Variants in LNPEP observed in about 807,000 individuals in gnomAD.
LNPEP encodes the protein leucyl-cystinyl aminopeptidase.
In LNPEP, 64 loss-of-function variants were observed where a neutral mutation model predicts 120.6. The ratio of observed to expected loss-of-function variants is 0.53; its 90% confidence interval spans 0.43 to 0.65. LNPEP has a LOEUF of 0.65. Among genes scored for constraint, LNPEP ranks in the 30% least tolerant of loss-of-function variants. LNPEP has a pLI of 0.00. For synonymous variants in LNPEP, 435 were observed against 425.4 expected, an observed-to-expected ratio of 1.02 and a Z score of -0.28; for missense variants, 1,057 against 1,200.0, an observed-to-expected ratio of 0.88 and a Z score of 1.76.
intron 2 of LNPEP, 146 bp downstream of exon 2, chr5:96,980,124 A>T (rs960937668): frequency 2.7e-6 from 2 of 736,840 alleles, no homozygotes; most frequent in Admixed American, 3.1e-5. Flanking sequence ...GTGATTTAGA[A>T]CAATATATTA....
rs147504810 is a variant in LNPEP, at chr5:97,000,180, A to G, written c.1653+2035A>G. 3.1e-3 allele frequency among the ~76,000 whole-genome samples: 470 copies of G among 152,320 alleles called. 6 individuals are homozygous for G. The highest frequency in any genetic ancestry group is 0.022 in the Admixed American group (333 of 15,302). ...ATGAAAATAAAGCATGATAAGGGAA[A>G]TGAGAATGACAAAGGAAATGGTGTT... On this transcript the variant is annotated intron_variant, in intron 8 of 17. Coordinates refer to ENST00000231368, the MANE Select transcript of LNPEP (RefSeq NM_005575.3).
chr5:97,014,985 C>A lies in LNPEP; in HGVS notation c.2266C>A (p.Leu756Ile). The A allele has an allele frequency of 3.8e-6, 6 of 1,589,348 alleles. No homozygotes were observed. Among genetic ancestry groups the A allele is most frequent in the Non-Finnish European group, 5.1e-6 (6 of 1,168,224 alleles). Reference sequence around the variant, plus strand: ...GAGGGCCTTTGATTTGATTAATTATCTTGGAAATGAGAACCATACTGCACC... The same window carrying A: ...GAGGGCCTTTGATTTGATTAATTATATTGGAAATGAGAACCATACTGCACC... ...LKRAFDLINY[L>I]GNENHTAPIT... Residue 756 changes from leucine to isoleucine, a missense_variant, in exon 13 of 18, where the codon CTT becomes ATT. Physicochemically the swap from Leu to Ile is conservative, Grantham distance 5 (BLOSUM62 2). Transcript: ENST00000231368.
Position 97,006,065 on chromosome 5 carries a change from T to TATA in LNPEP, c.1786-8_1786-7insATA, listed in dbSNP as rs781545637. On this transcript the variant is annotated splice_polypyrimidine_tract_variant and splice_region_variant and intron_variant, in intron 9 of 17. Transcript: ENST00000231368. ...AAAGTTTTATATATATATATATATA[T>TATA]TTTGTAGGTCACAAACCAAACACTA... The TATA allele has an allele frequency of 3.5e-5, 42 of 1,199,308 alleles. No individual in the cohort carries two copies. The highest frequency in any genetic ancestry group is 6.1e-5 in the East Asian group (2 of 32,672). 74.3% of individuals were successfully genotyped at this position (1,199,308 alleles called of 1,614,324 possible). A position where few individuals can be genotyped will look rare whatever the true frequency, so the allele number is the denominator to read the frequency against.
intron 1 of LNPEP, among the ~76,000 whole-genome samples, chr5:96,956,767 T>C (rs1255014393): frequency 1.3e-5 from 2 of 152,234 alleles, no homozygotes; most frequent in Non-Finnish European, 2.9e-5. Flanking sequence ...TCCGACTGCA[T>C]ATGTTTTAGT....
chr5:97,010,012 G>C (rs1338592224), intron 11 of LNPEP, among the ~76,000 whole-genome samples: 1 of 151,996 alleles, frequency 6.6e-6, no homozygotes, highest in Non-Finnish European at 1.5e-5. Flanking sequence ...TGTTGGGTTA[G>C]TTCATTAGTT....
chr5:96,972,446 G>T (rs542785057), intron 1 of LNPEP, among the ~76,000 whole-genome samples: 1 of 152,114 alleles, frequency 6.6e-6, no homozygotes, highest in East Asian at 1.9e-4. Context: ...TAGTATTTCT[G>T]TTCTGTCTTA....
Position 96,995,078 on chromosome 5 carries a change from C to T in LNPEP, c.1407+1107C>T, listed in dbSNP as rs117592105. Among the ~76,000 whole-genome samples, 1,385 of 152,068 alleles carry T rather than the reference C, an allele frequency of 9.1e-3. 30 individuals are homozygous for T. The highest frequency in any genetic ancestry group is 0.067 in the East Asian group (345 of 5,168). On this transcript the variant is annotated intron_variant, in intron 6 of 17. Coordinates refer to ENST00000231368, the MANE Select transcript of LNPEP (RefSeq NM_005575.3). Reference sequence around the variant, plus strand: ...AGCCGAGTTTGCACCAGTGCACTCCCGCCTGACAACAGAGTGAAACTCCAT... The same window carrying T: ...AGCCGAGTTTGCACCAGTGCACTCCTGCCTGACAACAGAGTGAAACTCCAT...
intron 2 of LNPEP, among the ~76,000 whole-genome samples, chr5:96,981,948 A>G (rs1339340042): frequency 2.6e-5 from 4 of 152,100 alleles, no homozygotes; most frequent in African/African-American, 9.7e-5. Context: ...TCTTTCTCAT[A>G]GTTCTCACCT....
At chr5:96,982,797 A>C (rs979076958) in intron 2 of LNPEP, among the ~76,000 whole-genome samples, 1 of 152,212 alleles carries the variant, frequency 6.6e-6, no homozygotes. Context: ...AAAAGCAAAA[A>C]CAAAAGAATA....
intron 1 of LNPEP, among the ~76,000 whole-genome samples, chr5:96,953,205 G>A (rs1561429265): frequency 6.6e-6 from 1 of 152,160 alleles, no homozygotes; most frequent in African/African-American, 2.4e-5. Context: ...GGAAAGGAAG[G>A]TACTTCCTGT....
intron 1 of LNPEP, among the ~76,000 whole-genome samples, chr5:96,972,496 A>G (rs1463942594): frequency 6.6e-6 from 1 of 151,946 alleles, no homozygotes; most frequent in African/African-American, 2.4e-5. Context: ...TCATGTCCTA[A>G]ATTGGCTAAG....
intron 14 of LNPEP, among the ~76,000 whole-genome samples, chr5:97,024,215 G>A (rs532767466): frequency 2.5e-4 from 38 of 152,128 alleles, no homozygotes; most frequent in Non-Finnish European, 3.8e-4. Flanking sequence ...TCTATACTTC[G>A]TAGTAGCCTG....
At chr5:96,971,345 T>TTGTG (rs3076561) in intron 1 of LNPEP, among the ~76,000 whole-genome samples, 9,254 of 142,820 alleles carry the variant, frequency 0.065, 320 homozygotes, top group South Asian at 0.11. Flanking sequence ...ACATTATTAT[T>TTGTG]TGTGTGTGTG....
At chr5:96,944,011 T>C (rs557643721) in intron 1 of LNPEP, among the ~76,000 whole-genome samples, 3 of 152,298 alleles carry the variant, frequency 2.0e-5, no homozygotes, top group South Asian at 4.1e-4. Context: ...AGGAGTGCAG[T>C]GAGAAAAGGA....
chr5:96,955,918 A>T (rs1789457385), intron 1 of LNPEP, among the ~76,000 whole-genome samples: 1 of 152,246 alleles, frequency 6.6e-6, no homozygotes, highest in African/African-American at 2.4e-5. Flanking sequence ...TCAGTGGTAT[A>T]TGACAATGCT....
At chr5:97,023,148 A>T (rs1316030558) in intron 14 of LNPEP, among the ~76,000 whole-genome samples, 1 of 152,110 alleles carries the variant, frequency 6.6e-6, no homozygotes, top group African/African-American at 2.4e-5. Context: ...ATCTCATATA[A>T]GTAAAGTCAT....
intron 1 of LNPEP, among the ~76,000 whole-genome samples, chr5:96,946,027 A>G (rs1366074354): frequency 6.6e-6 from 1 of 152,206 alleles, no homozygotes; most frequent in Non-Finnish European, 1.5e-5. Context: ...AAGGGCCTCA[A>G]TGATGAAATA....
rs575725597 is a variant in LNPEP at position 96,938,641 on chromosome 5, A to C, written c.19+2467A>C. ...CTATTTTTGTTGGGCCCTGCTCTCT[A>C]CCTGTTGATAATTGGTTCATTTGAT... On this transcript the variant is annotated intron_variant, in intron 1 of 17. Transcript: ENST00000231368. Among the ~76,000 whole-genome samples the C allele has an allele frequency of 2.0e-5, 3 of 152,052 alleles. No individual in the cohort carries two copies. The East Asian group carries it at 5.8e-4, about 29-fold the overall frequency.
intron 13 of LNPEP, among the ~76,000 whole-genome samples, chr5:97,019,452 A>G (rs1055615554): frequency 2.0e-5 from 3 of 152,170 alleles, no homozygotes; most frequent in African/African-American, 4.8e-5. Context: ...TTTTCTAATA[A>G]TATAATTATT....
Sources: gnomAD v4.1 joint callset for allele counts (sites outside exome capture counted in the v4.1 genomes callset) on GRCh38, gnomAD v4.1.1 for gene constraint, MANE v1.5 for transcripts, NCBI Gene and HGNC (gene_info 2026-07-23, HGNC 2026-07-21) for gene names.